Variants in ABCC4 observed in about 807,000 individuals in gnomAD.
The protein encoded by ABCC4 is ATP binding cassette subfamily C member 4 (PEL blood group).
Under a neutral mutation model 168.5 loss-of-function variants are expected in ABCC4, and 102 were observed. The ratio of observed to expected loss-of-function variants is 0.61; its 90% confidence interval spans 0.52 to 0.71. The LOEUF is 0.71. Among genes scored for constraint, ABCC4 ranks in the 30% least tolerant of loss-of-function variants. The pLI, the probability that ABCC4 is intolerant of heterozygous loss-of-function variation, is 0.00. For synonymous variants in ABCC4, 617 were observed against 590.7 expected (o/e 1.04, Z -0.65); for missense variants, 1,402 against 1,605.8 (o/e 0.87, Z 2.17).
intron 19 of ABCC4, among the ~76,000 whole-genome samples, chr13:95,137,030 A>G (rs1025711497): frequency 2.6e-5 from 4 of 152,230 alleles, no homozygotes; most frequent in African/African-American, 9.6e-5. Context: ...CAAATCACAG[A>G]TGGTAGGCAT....
intron 19 of ABCC4, among the ~76,000 whole-genome samples, chr13:95,160,756 G>A (rs141505200): frequency 6.6e-5 from 10 of 152,182 alleles, no homozygotes; most frequent in South Asian, 4.2e-4. Context: ...AGAAATGCAC[G>A]GCCTGTCTCA....
chr13:95,279,123 C>T (rs2041049072), intron 1 of ABCC4, among the ~76,000 whole-genome samples: 1 of 152,138 alleles, frequency 6.6e-6, no homozygotes, highest in Non-Finnish European at 1.5e-5. Flanking sequence ...AAGATTTGGC[C>T]AGCAGATTAT....
intron 4 of ABCC4, among the ~76,000 whole-genome samples, chr13:95,215,711 C>T (rs1369224541): frequency 2.0e-5 from 3 of 152,102 alleles, no homozygotes; most frequent in Non-Finnish European, 2.9e-5. Context: ...CTCAAAATAT[C>T]TGAATATTAA....
chr13:95,234,794 A>AT lies in ABCC4; in HGVS notation c.346dup (p.Ile116AsnfsTer3). ...ATCATAATTTTCAAAATAATTAATA[A>AT]TTTTTCCCAAAAATATGGGCTGGAT... On this transcript the variant is annotated frameshift_variant, in exon 4 of 31. Coordinates refer to ENST00000645237, the MANE Select transcript of ABCC4 (RefSeq NM_005845.5). LOFTEE classifies it high-confidence loss of function. 3.8e-6 allele frequency: 6 copies of AT among 1,588,304 alleles called. No homozygotes were observed. The highest frequency in any genetic ancestry group is 5.1e-6 in the Non-Finnish European group (6 of 1,165,952).
intron 18 of ABCC4, 36 bp downstream of exon 18, chr13:95,163,086 G>T: frequency 6.8e-7 from 1 of 1,464,934 alleles, no homozygotes; most frequent in Non-Finnish European, 9.6e-7. Context: ...AAGCACCTCA[G>T]CCTCTCATAC....
At chr13:95,243,105 C>A (rs1269944208) in intron 3 of ABCC4, among the ~76,000 whole-genome samples, 1 of 152,196 alleles carries the variant, frequency 6.6e-6, no homozygotes, top group Non-Finnish European at 1.5e-5. Context: ...CCAACAAGTG[C>A]TCTCTTGTGA....
chr13:95,292,272 T>C (rs2041422595), intron 1 of ABCC4, among the ~76,000 whole-genome samples: 1 of 152,116 alleles, frequency 6.6e-6, no homozygotes, highest in Admixed American at 6.6e-5. Context: ...GGTGGAAGGA[T>C]GGCTTGAGCC....
chr13:95,062,275 C>A (rs1002287664), intron 26 of ABCC4, among the ~76,000 whole-genome samples: 4 of 152,150 alleles, frequency 2.6e-5, no homozygotes, highest in Admixed American at 2.0e-4. Context: ...CACAGTTTCA[C>A]AGAAAGCCCT....
chr13:95,164,599 G>A (rs747530227), intron 15 of ABCC4, 81 bp from the exon 16 acceptor site: 30 of 1,496,168 alleles, frequency 2.0e-5, no homozygotes, highest in Non-Finnish European at 2.5e-5. Flanking sequence ...TGTTGACAAA[G>A]CTGTGGGGAA....
intron 3 of ABCC4, among the ~76,000 whole-genome samples, chr13:95,244,596 T>C (rs1387837529): frequency 2.9e-5 from 1 of 34,990 alleles, no homozygotes. Context: ...TAAAATAACA[T>C]GAAAGAAAGA....
chr13:95,069,723 C>A (rs546691983), intron 25 of ABCC4, among the ~76,000 whole-genome samples: 2 of 152,298 alleles, frequency 1.3e-5, no homozygotes, highest in East Asian at 3.9e-4. Context: ...AGGTGTCTGG[C>A]CTAATTCACT....
chr13:95,265,463 A>C (rs2138863278), intron 1 of ABCC4, among the ~76,000 whole-genome samples: 1 of 152,296 alleles, frequency 6.6e-6, no homozygotes, highest in Non-Finnish European at 1.5e-5. Flanking sequence ...TAAAAATAAA[A>C]GGTTAACAAG....
intron 30 of ABCC4, among the ~76,000 whole-genome samples, chr13:95,032,958 G>A (rs563983350): frequency 2.1e-5 from 3 of 140,502 alleles, no homozygotes; most frequent in Admixed American, 7.2e-5. Context: ...GAGCCATCAC[G>A]CCTGGTCTTT....
intron 29 of ABCC4, among the ~76,000 whole-genome samples, chr13:95,039,260 T>C (rs1356634879): frequency 1.3e-5 from 2 of 152,158 alleles, no homozygotes; most frequent in East Asian, 3.8e-4. Flanking sequence ...CCAATGAGTG[T>C]CTCCTACAAG....
chr13:95,225,153 TCACACACACACACA>T lies in ABCC4; in HGVS notation c.531+9443_531+9456del, dbSNP rs61398515. On this transcript the variant is annotated intron_variant, in intron 4 of 30. Transcript: ENST00000645237. The stretch of plus-strand genomic sequence containing the variant: ...GTCTGTCTGTCTGTCTCTCTCTCTC[TCACACACACACACA>T]CACACACACACACACACACACACAC... Among the ~76,000 whole-genome samples, 8 of 35,270 alleles carry T rather than the reference TCACACACACACACA, an allele frequency of 2.3e-4. No individual in the cohort carries two copies. In the South Asian group the frequency reaches 2.4e-3, roughly 11 times the overall value. 23.1% of individuals were successfully genotyped at this position (35,270 alleles called of 152,430 possible).
chr13:95,274,257 T>A (rs1046892552), intron 1 of ABCC4, among the ~76,000 whole-genome samples: 2 of 152,200 alleles, frequency 1.3e-5, no homozygotes, highest in Admixed American at 6.6e-5. Flanking sequence ...TTTTTTACTT[T>A]GTGCATACTA....
In ABCC4 at chr13:95,021,350, A is replaced by G. The variant is rs2031075407; in HGVS notation, c.*225T>C. 1.1e-5 allele frequency: 5 copies of G among 459,138 alleles called. No homozygotes were observed. The highest frequency in any genetic ancestry group is 1.5e-5 in the Non-Finnish European group (4 of 260,264). The allele number at this position is 459,138 out of a possible 1,614,324, so 28.4% of individuals were successfully genotyped here. ...AGACGGCATTTAACTGGTGGCCTGC[A>G]CCTCTGATTTGGATTTTAAAAAACA... On this transcript the variant is annotated 3_prime_UTR_variant, in exon 31 of 31. Transcript: ENST00000645237.
intron 19 of ABCC4, among the ~76,000 whole-genome samples, chr13:95,127,865 G>A (rs2035837471): frequency 6.6e-6 from 1 of 152,104 alleles, no homozygotes; most frequent in South Asian, 2.1e-4. Context: ...GTGAACTGAA[G>A]GAAACCTCAA....
At chr13:95,203,628 G>A (rs373114469) in intron 8 of ABCC4, among the ~76,000 whole-genome samples, 6 of 152,150 alleles carry the variant, frequency 3.9e-5, no homozygotes, top group East Asian at 1.9e-4. Flanking sequence ...AAAGTGCTGC[G>A]ATTATAGCTG....
Sources: gnomAD v4.1 joint callset for allele counts (sites outside exome capture counted in the v4.1 genomes callset) on GRCh38, gnomAD v4.1.1 for gene constraint, MANE v1.5 for transcripts, NCBI Gene and HGNC (gene_info 2026-07-23, HGNC 2026-07-21) for gene names.